The following PCYT2 variants were observed in gnomAD, a reference collection of about 807,000 sequenced individuals.
PCYT2 encodes ethanolamine-phosphate cytidylyltransferase.
Under a neutral mutation model 50.0 loss-of-function variants are expected in PCYT2, and 33 were observed. That is an observed-to-expected ratio of 0.66 (90% CI 0.50 to 0.88). The LOEUF is 0.88. PCYT2 is among the 40% of genes least tolerant of loss of function. The probability of loss-of-function intolerance (pLI) is 0.00; values close to 1 mark genes in which losing one functional copy is unlikely to be tolerated. For synonymous variants in PCYT2, 240 were observed against 203.7 expected, an observed-to-expected ratio of 1.18 and a Z score of -1.52; for missense variants, 430 against 519.7, an observed-to-expected ratio of 0.83 and a Z score of 1.68.
chr17:81,910,033 C>T (rs2040493230), intron 1 of PCYT2, among the ~76,000 whole-genome samples: 1 of 152,198 alleles, frequency 6.6e-6, no homozygotes, highest in African/African-American at 2.4e-5. Context: ...AGCAAACAGT[C>T]CCTGGGGCTA....
intron 10 of PCYT2, 44 bp downstream of exon 10, chr17:81,905,626 A>G: frequency 6.3e-7 from 1 of 1,581,386 alleles, no homozygotes; most frequent in South Asian, 1.1e-5. Context: ...ATGCAGGAAC[A>G]GAGGTGAACA....
intron 1 of PCYT2, among the ~76,000 whole-genome samples, 180 bp from the exon 2 acceptor site, chr17:81,909,782 G>A (rs1162077906): frequency 6.6e-6 from 1 of 152,194 alleles, no homozygotes. Context: ...CCACCCCACT[G>A]GCTCCTGGGC....
Position 81,903,518 on chromosome 17 carries a change from C to T in PCYT2, c.*1315G>A, listed in dbSNP as rs945243396. ...CAGCCCCTGTCCAGCACCAATCTGT[C>T]TATGGGGAACTGGCTGGTCCCTCTG... On this transcript the variant is annotated 3_prime_UTR_variant, in exon 13 of 13. Coordinates refer to ENST00000538936, the MANE Select transcript of PCYT2 (RefSeq NM_002861.5). 6.6e-6 allele frequency: 1 copy of T among 152,370 alleles called. No homozygotes were observed. The highest frequency in any genetic ancestry group is 1.5e-5 in the Non-Finnish European group (1 of 68,158). The allele number at this position is 152,370 out of a possible 1,614,324, so 9.4% of individuals were successfully genotyped here.
chr17:81,908,788 GC>G, intron 3 of PCYT2, 87 bp downstream of exon 3: 3 of 1,394,242 alleles, frequency 2.2e-6, no homozygotes, highest in Non-Finnish European at 3.0e-6. Flanking sequence ...AAGGGCGGAG[GC>G]CCCCTGTTCC....
intron 9 of PCYT2, 41 bp from the exon 10 acceptor site, chr17:81,905,776 G>GCTA: frequency 1.3e-6 from 2 of 1,597,598 alleles, no homozygotes; most frequent in Non-Finnish European, 1.7e-6. Flanking sequence ...CTCGGTCCCT[G>GCTA]CTACTGGTAA....
In PCYT2 at chr17:81,904,771, T is replaced by C. The variant is rs192362456; in HGVS notation, c.*62A>G. ...GAGAGGGCGGCCCTGCAGAGTCCTATGTCCAAACGCAGAAGGCGCAGAAGC... is the reference window on the plus strand; with the variant it reads ...GAGAGGGCGGCCCTGCAGAGTCCTACGTCCAAACGCAGAAGGCGCAGAAGC... On this transcript the variant is annotated 3_prime_UTR_variant, in exon 13 of 13. Coordinates refer to ENST00000538936, the MANE Select transcript of PCYT2 (RefSeq NM_002861.5). 1,715 of 1,155,754 alleles carry C rather than the reference T, an allele frequency of 1.5e-3. 12 individuals are homozygous for C. Among genetic ancestry groups the C allele is most frequent in the Admixed American group, 8.2e-3 (405 of 49,290 alleles). The allele number at this position is 1,155,754 out of a possible 1,614,324, so 71.6% of individuals were successfully genotyped here.
rs936856867 is a variant in PCYT2, at chr17:81,902,046, T to C, written c.*2787A>G. 9.0e-5 allele frequency: 26 copies of C among 287,760 alleles called. No individual in the cohort carries two copies. Among genetic ancestry groups the C allele is most frequent in the African/African-American group, 2.9e-4 (13 of 44,608 alleles). The allele number at this position is 287,760 out of a possible 1,614,324, so 17.8% of individuals were successfully genotyped here. ...TGGGGAGCTTGAGGGGGCGTTGGGC[T>C]CCCACCAAGCGCCAGATCCTTGCGC... On this transcript the variant is annotated 3_prime_UTR_variant, in exon 13 of 13. Coordinates refer to ENST00000538936, the MANE Select transcript of PCYT2 (RefSeq NM_002861.5).
rs1259593391 is a variant in PCYT2, at chr17:81,905,459, G to A, written c.904-12C>T. On this transcript the variant is annotated splice_polypyrimidine_tract_variant and intron_variant, in intron 10 of 12. Coordinates refer to ENST00000538936, the MANE Select transcript of PCYT2 (RefSeq NM_002861.5). The stretch of plus-strand genomic sequence containing the variant: ...CACACCAGGTCCACCTGGAGAAGGA[G>A]TGGGGTCAGGAGCCCTCCCCGGGGA... 1 of 1,563,478 alleles carries A rather than the reference G, an allele frequency of 6.4e-7. No individual in the cohort carries two copies. Among genetic ancestry groups the A allele is most frequent in the Non-Finnish European group, 8.7e-7 (1 of 1,153,946 alleles).
intron 8 of PCYT2, 41 bp from the exon 9 acceptor site, chr17:81,906,218 G>A (rs754637962): frequency 9.5e-5 from 146 of 1,541,914 alleles, no homozygotes; most frequent in Non-Finnish European, 1.2e-4. Context: ...GAGACTTTTT[G>A]GGGGGACAGG....
rs753909128 is a variant in PCYT2, at chr17:81,906,818, C to T, written c.618G>A (p.Gly206=). 1.4e-5 allele frequency: 22 copies of T among 1,613,540 alleles called. No homozygotes were observed. The highest frequency in any genetic ancestry group is 1.1e-4 in the East Asian group (5 of 44,890). The part of the protein sequence containing the change: ...TSQKIIQFAS[G]KEPQPGETVI... ...CTGTCTCCCCTGGCTGGGGCTCCTT[C>T]CCAGAAGCAAACTGGATGATCTTCT... Residue 206 remains glycine, a synonymous_variant, in exon 7 of 13, where the codon GGG becomes GGA. Coordinates refer to ENST00000538936, the MANE Select transcript of PCYT2 (RefSeq NM_002861.5).
At chr17:81,905,490 C>A in intron 10 of PCYT2, 43 bp from the exon 11 acceptor site, 1 of 1,534,950 alleles carries the variant, frequency 6.5e-7, no homozygotes, top group Non-Finnish European at 8.8e-7. Flanking sequence ...GGGGAGGCAG[C>A]GGCCGTCGCC....
Position 81,902,000 on chromosome 17 carries a change from G to A in PCYT2, c.*2833C>T. The stretch of plus-strand genomic sequence containing the variant: ...ACTGCGGCCCACGCAAGCCGGGCCT[G>A]AAGGGCGCGAGCGGCATGGGTGGGG... On this transcript the variant is annotated 3_prime_UTR_variant, in exon 13 of 13. Transcript: ENST00000538936. 4.2e-6 allele frequency: 1 copy of A among 238,334 alleles called. No homozygotes were observed. The allele number at this position is 238,334 out of a possible 1,614,324, so 14.8% of individuals were successfully genotyped here.
chr17:81,908,002 G>A (rs1489081778), intron 4 of PCYT2, 145 bp from the exon 5 acceptor site: 17 of 662,810 alleles, frequency 2.6e-5, no homozygotes, highest in Non-Finnish European at 4.4e-5. Flanking sequence ...CCTGTGCAAG[G>A]CCATAACAGA....
At chr17:81,907,903 A>G (rs772317403) in intron 4 of PCYT2, 46 bp from the exon 5 acceptor site, 3 of 1,494,182 alleles carry the variant, frequency 2.0e-6, no homozygotes. Flanking sequence ...GACACTCGCA[A>G]GGCTCTGCCT....
intron 10 of PCYT2, 86 bp downstream of exon 10, chr17:81,905,584 A>G (rs2040217177): frequency 6.9e-6 from 10 of 1,458,402 alleles, no homozygotes; most frequent in Non-Finnish European, 9.6e-6. Context: ...GGCCCCGCCT[A>G]GGAGCCCACA....
Position 81,902,820 on chromosome 17 carries a change from C to A in PCYT2, c.*2013G>T. The A allele has an allele frequency of 7.0e-7, 1 of 1,421,856 alleles. No homozygotes were observed. The highest frequency in any genetic ancestry group is 1.4e-5 in the South Asian group (1 of 73,862). The allele number at this position is 1,421,856 out of a possible 1,614,324, so 88.1% of individuals were successfully genotyped here. A position where few individuals can be genotyped will look rare whatever the true frequency, so the allele number is the denominator to read the frequency against. On this transcript the variant is annotated 3_prime_UTR_variant, in exon 13 of 13. Transcript: ENST00000538936. ...CCCACTCGGTGACCCCAGGCCCCTC[C>A]GGCGCGGGATGGCGCCCCAGGTCTC...
At chr17:81,906,619 C>G (rs2040285900) in intron 7 of PCYT2, 73 bp from the exon 8 acceptor site, 1 of 1,572,466 alleles carries the variant, frequency 6.4e-7, no homozygotes, top group Non-Finnish European at 8.7e-7. Context: ...TGCCCAAGGG[C>G]CTCCCCGCCA....
At chr17:81,906,223 G>C in intron 8 of PCYT2, 46 bp from the exon 9 acceptor site, 1 of 1,496,254 alleles carries the variant, frequency 6.7e-7, no homozygotes. Context: ...TTTTTGGGGG[G>C]ACAGGGTGTG....
chr17:81,909,260 A>G (rs914841010), intron 2 of PCYT2: 26 of 1,429,978 alleles, frequency 1.8e-5, no homozygotes, highest in Non-Finnish European at 2.2e-5. Flanking sequence ...GCAGGTGCTC[A>G]GCCCCTGAAG....
Sources: allele counts gnomAD v4.1 joint callset (sites outside exome capture counted in the v4.1 genomes callset), GRCh38; gene constraint gnomAD v4.1.1; transcripts MANE v1.5; gene names NCBI Gene and HGNC (gene_info 2026-07-23, HGNC 2026-07-21).